VWA5B1: variants seen among roughly 807,000 people sequenced by gnomAD.
VWA5B1 encodes von Willebrand factor A domain containing 5B1.
In VWA5B1, 115 loss-of-function variants were observed where a neutral mutation model predicts 118.2. The observed-to-expected ratio is 0.97, with a 90% confidence interval of 0.84 to 1.14. The LOEUF (loss-of-function observed/expected upper bound fraction) is 1.14, where lower values mean the gene tolerates loss of function less well. Among genes scored for constraint, VWA5B1 ranks in the 50% most tolerant of loss-of-function variants. The probability of loss-of-function intolerance (pLI) is 0.00; values close to 1 mark genes in which losing one functional copy is unlikely to be tolerated. For synonymous variants in VWA5B1, 682 were observed against 658.4 expected, an observed-to-expected ratio of 1.04 and a Z score of -0.55; for missense variants, 1,596 against 1,603.8, an observed-to-expected ratio of 1.00 and a Z score of 0.08.
chr1:20,300,061 T>C (rs192591999), intron 1 of VWA5B1, among the ~76,000 whole-genome samples: 1 of 151,832 alleles, frequency 6.6e-6, no homozygotes, highest in Non-Finnish European at 1.5e-5. Flanking sequence ...TGGGGCCAGA[T>C]GCTTGGATTC....
intron 3 of VWA5B1, among the ~76,000 whole-genome samples, chr1:20,313,559 C>T (rs2088911325): frequency 1.3e-5 from 2 of 152,218 alleles, no homozygotes; most frequent in African/African-American, 4.8e-5. Context: ...CAGTAAAAGA[C>T]AGCTGTTACT....
intron 14 of VWA5B1, 39 bp from the exon 15 acceptor site, chr1:20,342,381 CTCCTCCTCCTCG>C (rs1490617239): frequency 2.0e-6 from 3 of 1,535,594 alleles, no homozygotes; most frequent in East Asian, 2.5e-5. Context: ...TCTCCTCCTC[CTCCTCCTCCTCG>C]TCCTCCTCCT....
chr1:20,320,029 C>T (rs2089157476), intron 7 of VWA5B1, among the ~76,000 whole-genome samples: 1 of 152,192 alleles, frequency 6.6e-6, no homozygotes, highest in African/African-American at 2.4e-5. Flanking sequence ...GGCCAGGGGC[C>T]AGGAATGGGA....
chr1:20,293,425 C>T (rs967148523), intron 1 of VWA5B1, among the ~76,000 whole-genome samples: 1 of 152,230 alleles, frequency 6.6e-6, no homozygotes, highest in African/African-American at 2.4e-5. Flanking sequence ...CAGCACTCCT[C>T]CAGGCCACTG....
intron 1 of VWA5B1, among the ~76,000 whole-genome samples, chr1:20,308,649 C>T (rs921486302): frequency 6.6e-6 from 1 of 152,186 alleles, no homozygotes. Context: ...CTTGGGGAGA[C>T]AGCAGCTCCC....
chr1:20,341,035 C>A (rs1460684113), intron 14 of VWA5B1, among the ~76,000 whole-genome samples: 1 of 152,146 alleles, frequency 6.6e-6, no homozygotes. Context: ...ATGTAATCAT[C>A]GCCACAATGA....
At chr1:20,317,006 A>C (rs1415924728) in intron 4 of VWA5B1, among the ~76,000 whole-genome samples, 1 of 151,590 alleles carries the variant, frequency 6.6e-6, no homozygotes, top group Non-Finnish European at 1.5e-5. Flanking sequence ...AAACAAAAAA[A>C]TGAGCCGTGC....
chr1:20,320,867 C>T (rs1433638047), intron 7 of VWA5B1, among the ~76,000 whole-genome samples: 1 of 152,128 alleles, frequency 6.6e-6, no homozygotes, highest in Non-Finnish European at 1.5e-5. Context: ...CTGCTTCTGC[C>T]TAGGGCTCTG....
Position 20,332,808 on chromosome 1 carries a change from G to C in VWA5B1, c.1615G>C (p.Asp539His). ...LKKAMAPVLS[D>H]VTVEWIFPET... is the part of the protein sequence containing the mutation. ...GAAGGCCATGGCCCCAGTCCTGAGC[G>C]ATGTGACTGTGGAGTGGATCTTCCC... is the stretch of plus-strand genomic sequence containing the variant. Residue 539 changes from aspartate (D) to histidine (H), a missense_variant, in exon 12 of 22, where the codon GAT (aspartate) becomes CAT (histidine). Asp to His is a moderately conservative substitution (Grantham distance 81). Transcript: ENST00000289815. The C allele has an allele frequency of 6.4e-7, 1 of 1,551,774 alleles. No homozygotes were observed. The highest frequency in any genetic ancestry group is 1.4e-5 in the African/African-American group (1 of 73,172).
chr1:20,347,935 T>C (rs1369899895), intron 17 of VWA5B1, among the ~76,000 whole-genome samples: 3 of 152,168 alleles, frequency 2.0e-5, no homozygotes, highest in Non-Finnish European at 4.4e-5. Context: ...CTGGAAAACA[T>C]TGTGCCTTCT....
intron 19 of VWA5B1, 122 bp from the exon 20 acceptor site, chr1:20,350,735 G>T (rs150388820): frequency 2.3e-6 from 2 of 886,586 alleles, no homozygotes; most frequent in East Asian, 5.3e-5. Flanking sequence ...TGGTTAGCTC[G>T]AGTCCCTAGG....
Position 20,358,739 on chromosome 1 carries a change from C to T in VWA5B1, c.*4476C>T, listed in dbSNP as rs1238547838. Reference sequence around the variant, plus strand: ...GCCTTGGCATCTGGAAGATTTTGTTCTTACCAATCTAGCAGAGACTAGAGA... The same window carrying T: ...GCCTTGGCATCTGGAAGATTTTGTTTTTACCAATCTAGCAGAGACTAGAGA... On this transcript the variant is annotated 3_prime_UTR_variant, in exon 22 of 22. Coordinates refer to ENST00000289815, the MANE Select transcript of VWA5B1 (RefSeq NM_001039500.3). 2.6e-5 allele frequency among the ~76,000 whole-genome samples: 4 copies of T among 152,248 alleles called. No homozygotes were observed. The highest frequency in any genetic ancestry group is 5.9e-5 in the Non-Finnish European group (4 of 68,052).
intron 19 of VWA5B1, among the ~76,000 whole-genome samples, chr1:20,350,437 A>C (rs1196799256): frequency 6.6e-6 from 1 of 152,140 alleles, no homozygotes; most frequent in African/African-American, 2.4e-5. Context: ...GTCACAGAGT[A>C]CTCTGGTGAC....
intron 1 of VWA5B1, among the ~76,000 whole-genome samples, chr1:20,296,134 A>G (rs974141232): frequency 2.6e-5 from 4 of 152,192 alleles, no homozygotes; most frequent in Non-Finnish European, 5.9e-5. Flanking sequence ...AAGTGCTGGG[A>G]TTACAGGCGT....
At chr1:20,330,409 C>T (rs761482169) in intron 10 of VWA5B1, 27 bp downstream of exon 10, 10 of 1,549,940 alleles carry the variant, frequency 6.5e-6, no homozygotes, top group East Asian at 4.9e-5. Flanking sequence ...GGTCTAGGCT[C>T]GGTGACTCCA....
At position 20,310,760 on chromosome 1, in the gene VWA5B1, C is replaced by A; in HGVS notation, c.139+20C>A. ...TCCAGGGTAAGGACACCTGCTGGGG[C>A]CTCCCCGGGACCACCCCCTCCTCCA... is the stretch of plus-strand genomic sequence containing the variant. On this transcript the variant is annotated intron_variant, in intron 2 of 21. Transcript: ENST00000289815. 6.6e-7 allele frequency: 1 copy of A among 1,526,498 alleles called. No homozygotes were observed. The highest frequency in any genetic ancestry group is 8.8e-7 in the Non-Finnish European group (1 of 1,136,844). 94.6% of individuals were successfully genotyped at this position (1,526,498 alleles called of 1,614,324 possible).
chr1:20,294,837 C>T (rs970714492), intron 1 of VWA5B1, among the ~76,000 whole-genome samples: 10 of 152,232 alleles, frequency 6.6e-5, no homozygotes, highest in African/African-American at 2.2e-4. Flanking sequence ...GATCTGCCCG[C>T]CTCAGCCTCC....
chr1:20,310,509 G>T, intron 1 of VWA5B1, 67 bp from the exon 2 acceptor site: 1 of 1,395,154 alleles, frequency 7.2e-7, no homozygotes, highest in Non-Finnish European at 9.4e-7. Flanking sequence ...TGTCTGAAAC[G>T]GGAAAACTAG....
intron 13 of VWA5B1, 31 bp from the exon 14 acceptor site, chr1:20,337,615 C>G: frequency 6.5e-7 from 1 of 1,530,476 alleles, no homozygotes; most frequent in Non-Finnish European, 8.8e-7. Flanking sequence ...CTGTCCCACT[C>G]TGATGGTTCC....
Sources: allele counts gnomAD v4.1 joint callset (sites outside exome capture counted in the v4.1 genomes callset), GRCh38; gene constraint gnomAD v4.1.1; transcripts MANE v1.5; gene names NCBI Gene and HGNC (gene_info 2026-07-23, HGNC 2026-07-21).